Variants in UPF1 observed in about 807,000 individuals in gnomAD.
The protein encoded by UPF1 is UPF1 RNA helicase and ATPase.
UPF1 carries 9 observed loss-of-function variants against 129.2 expected under a neutral mutation model. The observed-to-expected ratio is 0.07, with a 90% confidence interval of 0.04 to 0.12. UPF1 has a LOEUF of 0.12. Among genes scored for constraint, UPF1 ranks in the 10% least tolerant of loss-of-function variants. The probability of loss-of-function intolerance (pLI) is 1.00; values close to 1 mark genes in which losing one functional copy is unlikely to be tolerated. For synonymous variants in UPF1, 649 were observed against 644.9 expected, an observed-to-expected ratio of 1.01 and a Z score of -0.10; for missense variants, 788 against 1,525.3, an observed-to-expected ratio of 0.52 and a Z score of 8.05.
In UPF1 at chr19:18,857,432, G is replaced by A. The variant is rs1277776216; in HGVS notation, c.2081G>A (p.Arg694Gln). Residue 694 changes from arginine to glutamine, a missense_variant, in exon 15 of 24, where the codon CGG becomes CAG. Arg to Gln is a conservative substitution (Grantham distance 43). Coordinates refer to ENST00000262803, the MANE Select transcript of UPF1 (RefSeq NM_002911.4). ...GAGCGCCTGGTGGTGCTGGGCATCC[G>A]GCCCATCCGCCTGCAGGTCCAGTAC... ...LFERLVVLGI[R>Q]PIRLQVQYRM... 3.1e-6 allele frequency: 5 copies of A among 1,613,628 alleles called. No individual in the cohort carries two copies. The highest frequency in any genetic ancestry group is 2.2e-5 in the East Asian group (1 of 44,880).
chr19:18,847,146 C>T (rs929426566), intron 2 of UPF1, among the ~76,000 whole-genome samples: 4 of 152,264 alleles, frequency 2.6e-5, no homozygotes, highest in Non-Finnish European at 5.9e-5. Flanking sequence ...CACTCATTCT[C>T]ATTTACAGAT....
At position 18,832,110 on chromosome 19, in the gene UPF1, C is replaced by A; in HGVS notation, c.-100C>A. 1 of 1,150,230 alleles carries A rather than the reference C, an allele frequency of 8.7e-7. No homozygotes were observed. The highest frequency in any genetic ancestry group is 1.1e-6 in the Non-Finnish European group (1 of 886,842). The allele number at this position is 1,150,230 out of a possible 1,614,324, so 71.3% of individuals were successfully genotyped here. ...TTGGTCCTTTCCGGGCGCGCGGGGG[C>A]GACAGCGGCAGCGACCCGAGGCCTG... On this transcript the variant is annotated 5_prime_UTR_variant, in exon 1 of 24. Transcript: ENST00000262803. This position sits in a 1 kb window ranked among gnomAD's most constrained non-coding sequence, Gnocchi z 5.6.
At chr19:18,842,926 G>C (rs1025335747) in intron 1 of UPF1, among the ~76,000 whole-genome samples, 1 of 152,046 alleles carries the variant, frequency 6.6e-6, no homozygotes, top group African/African-American at 2.4e-5. Flanking sequence ...GGCAGAGGTT[G>C]CGGTGAGCCG....
chr19:18,839,245 C>A (rs1026116443), intron 1 of UPF1, among the ~76,000 whole-genome samples: 3 of 152,126 alleles, frequency 2.0e-5, no homozygotes, highest in Admixed American at 2.0e-4. Flanking sequence ...GTGCGCACCA[C>A]CATGCCCAAC....
At chr19:18,848,771 G>T (rs2055626844) in intron 3 of UPF1, among the ~76,000 whole-genome samples, 1 of 152,200 alleles carries the variant, frequency 6.6e-6, no homozygotes, top group South Asian at 2.1e-4. Context: ...GTTTTTAAAA[G>T]ATTTTAAAGA....
intron 1 of UPF1, among the ~76,000 whole-genome samples, chr19:18,838,446 C>A (rs2145933047): frequency 6.6e-6 from 1 of 152,244 alleles, no homozygotes; most frequent in South Asian, 2.1e-4. Context: ...GTCAGGAGTT[C>A]CAGACCAGCT....
At chr19:18,861,044 C>CT (rs1601126216) in intron 17 of UPF1, 62 bp downstream of exon 17, 1 of 1,498,234 alleles carries the variant, frequency 6.7e-7, no homozygotes, top group African/African-American at 1.4e-5. Flanking sequence ...GACCCTTGAC[C>CT]TTTAAGTTAC....
At position 18,853,211 on chromosome 19, in the gene UPF1, G is replaced by A. The variant is rs769155894; in HGVS notation, c.1058-41G>A. 2.2e-5 allele frequency: 36 copies of A among 1,600,848 alleles called. No homozygotes were observed. Among genetic ancestry groups the A allele is most frequent in the Non-Finnish European group, 2.8e-5 (33 of 1,171,494 alleles). ...AACTCTCCCTGGTGGAAGCGACGGC[G>A]TGGGTTAAAATGGCCACCTCTCTCA... On this transcript the variant is annotated intron_variant, in intron 7 of 23. Coordinates refer to ENST00000262803, the MANE Select transcript of UPF1 (RefSeq NM_002911.4). This position sits in a 1 kb window ranked among gnomAD's most constrained non-coding sequence, Gnocchi z 4.4.
rs759794679 is a variant in UPF1, at chr19:18,865,258, G to A, written c.2858-31G>A. 1.3e-6 allele frequency: 2 copies of A among 1,580,896 alleles called. No homozygotes were observed. The highest frequency in any genetic ancestry group is 2.3e-5 in the East Asian group (1 of 43,954). On this transcript the variant is annotated intron_variant, in intron 20 of 23. Coordinates refer to ENST00000262803, the MANE Select transcript of UPF1 (RefSeq NM_002911.4). This position sits in a 1 kb window ranked among gnomAD's most constrained non-coding sequence, Gnocchi z 6.1. ...TCGCTGGGGTTTGACCGAGGCAGGT[G>A]ACACCTGCCGTGTTCCACTGTGATT...
intron 6 of UPF1, 35 bp downstream of exon 6, chr19:18,852,331 C>T (rs748265211): frequency 1.9e-6 from 3 of 1,607,230 alleles, no homozygotes. Flanking sequence ...CTGGGGTGGG[C>T]TCTGGCTCTC....
chr19:18,854,766 A>G (rs1300899286), intron 9 of UPF1, 57 bp downstream of exon 9: 5 of 1,606,394 alleles, frequency 3.1e-6, no homozygotes, highest in Non-Finnish European at 4.3e-6. Flanking sequence ...TGGCATCTTT[A>G]TGAGCCCTCC....
chr19:18,861,677 AAAT>A (rs1568282368), intron 17 of UPF1, among the ~76,000 whole-genome samples: 2 of 152,156 alleles, frequency 1.3e-5, no homozygotes, highest in African/African-American at 2.4e-5. Flanking sequence ...CACCAAAAAA[AAAT>A]AATAACTGGG....
chr19:18,859,934 A>G (rs2055759602), intron 15 of UPF1: 1 of 172,666 alleles, frequency 5.8e-6, no homozygotes, highest in South Asian at 1.5e-4. Flanking sequence ...CTGTTGGCTC[A>G]ACAGTGTCAC....
intron 1 of UPF1, among the ~76,000 whole-genome samples, chr19:18,842,767 A>G (rs1249338190): frequency 6.6e-6 from 1 of 151,956 alleles, no homozygotes; most frequent in Non-Finnish European, 1.5e-5. Flanking sequence ...TGGGAGGCCA[A>G]GGTGGGTGGA....
Position 18,856,871 on chromosome 19 carries a change from C to A in UPF1, c.1825-6C>A, listed in dbSNP as rs112084896. 6.2e-7 allele frequency: 1 copy of A among 1,609,400 alleles called. No homozygotes were observed. Among genetic ancestry groups the A allele is most frequent in the Admixed American group, 1.7e-5 (1 of 59,806 alleles). On this transcript the variant is annotated splice_region_variant and splice_polypyrimidine_tract_variant and intron_variant, in intron 13 of 23. Transcript: ENST00000262803. The stretch of plus-strand genomic sequence containing the variant: ...GGTGCCCTGATGCCTCTGCACCCTT[C>A]CCCAGAACGCAGATGTCATCTGCTG...
Position 18,851,946 on chromosome 19 carries a change from T to C in UPF1, c.811-189T>C, listed in dbSNP as rs2055663038. ...CCAGGCCGGTGTGCAGCTCCCTGTG[T>C]GGCATGGAGTTCCCGTTCCCAGGGT... On this transcript the variant is annotated intron_variant, in intron 5 of 23. Coordinates refer to ENST00000262803, the MANE Select transcript of UPF1 (RefSeq NM_002911.4). The surrounding 1 kb of genome is among the most constrained non-coding windows in gnomAD (Gnocchi z 4.2). Among the ~76,000 whole-genome samples, 1 of 152,198 alleles carries C rather than the reference T, an allele frequency of 6.6e-6. No homozygotes were observed. The highest frequency in any genetic ancestry group is 6.5e-5 in the Admixed American group (1 of 15,286).
intron 11 of UPF1, 132 bp downstream of exon 11, chr19:18,855,374 C>A: frequency 1.1e-6 from 1 of 926,330 alleles, no homozygotes; most frequent in Non-Finnish European, 1.6e-6. Context: ...CGCCATGGTG[C>A]CTACCGCTCT....
intron 14 of UPF1, 83 bp from the exon 15 acceptor site, chr19:18,857,237 G>A: frequency 6.6e-7 from 1 of 1,516,440 alleles, no homozygotes; most frequent in Non-Finnish European, 8.9e-7. Context: ...TGTGCATCCT[G>A]GGGCCCCTAC....
At chr19:18,860,762 C>T in intron 16 of UPF1, 64 bp from the exon 17 acceptor site, 1 of 1,595,110 alleles carries the variant, frequency 6.3e-7, no homozygotes, top group Non-Finnish European at 8.5e-7. Flanking sequence ...CCCCTCACGG[C>T]CTCCAGCCTC....
Sources: allele counts gnomAD v4.1 joint callset (sites outside exome capture counted in the v4.1 genomes callset), GRCh38; gene constraint gnomAD v4.1.1; non-coding constraint Gnocchi (gnomAD v3.1); transcripts MANE v1.5; gene names NCBI Gene and HGNC (gene_info 2026-07-23, HGNC 2026-07-21).